The following ADGRL2 variants were observed in gnomAD, a reference collection of about 807,000 sequenced individuals.
The protein encoded by ADGRL2 is calcium-independent alpha-latrotoxin receptor 2.
A neutral mutation model predicts 157.4 loss-of-function variants in ADGRL2; 44 were observed. The observed-to-expected ratio is 0.28, with a 90% CI of 0.22 to 0.36. The LOEUF (loss-of-function observed/expected upper bound fraction) is 0.36, where lower values mean the gene tolerates loss of function less well. ADGRL2 is among the 10% of genes least tolerant of loss of function. The probability of loss-of-function intolerance (pLI) is 1.00; values close to 1 mark genes in which losing one functional copy is unlikely to be tolerated. For synonymous variants in ADGRL2, 585 were observed against 624.7 expected (o/e 0.94, Z 0.95); for missense variants, 1,510 against 1,768.9 (o/e 0.85, Z 2.63).
At chr1:81,550,197 A>G (rs2080112901) in intron 2 of ADGRL2, among the ~76,000 whole-genome samples, 1 of 152,192 alleles carries the variant, frequency 6.6e-6, no homozygotes, top group African/African-American at 2.4e-5. Flanking sequence ...TTTCTCAGGA[A>G]GGAATGAATA....
chr1:81,448,409 G>T (rs1328057264), intron 2 of ADGRL2, among the ~76,000 whole-genome samples: 1 of 151,944 alleles, frequency 6.6e-6, no homozygotes, highest in Admixed American at 6.6e-5. Context: ...GCCTCCCAAA[G>T]TGCTGTGATT....
chr1:81,692,565 G>A (rs1301521374), intron 3 of ADGRL2, among the ~76,000 whole-genome samples: 2 of 152,050 alleles, frequency 1.3e-5, no homozygotes, highest in Non-Finnish European at 2.9e-5. Flanking sequence ...GTAGGCTTGT[G>A]CAAAAAATGA....
chr1:81,361,203 C>T (rs1480730287), intron 1 of ADGRL2, among the ~76,000 whole-genome samples: 1 of 151,894 alleles, frequency 6.6e-6, no homozygotes, highest in Non-Finnish European at 1.5e-5. Context: ...ATGTATTATT[C>T]CCTCTGAGTG....
intron 1 of ADGRL2, among the ~76,000 whole-genome samples, chr1:81,323,383 G>T (rs536695589): frequency 6.7e-6 from 1 of 149,762 alleles, no homozygotes; most frequent in East Asian, 2.0e-4. Context: ...GAGACCATAG[G>T]TACGAGCCAT....
chr1:81,617,886 C>G (rs1004639542), intron 3 of ADGRL2, among the ~76,000 whole-genome samples: 2 of 152,168 alleles, frequency 1.3e-5, no homozygotes, highest in South Asian at 2.1e-4. Context: ...AAATTCCACC[C>G]ACTCTTATTT....
At chr1:81,630,503 A>T (rs1020416722) in intron 3 of ADGRL2, among the ~76,000 whole-genome samples, 2 of 152,214 alleles carry the variant, frequency 1.3e-5, no homozygotes, top group African/African-American at 4.8e-5. Flanking sequence ...GGTGAAATAC[A>T]TATGATAGAA....
intron 2 of ADGRL2, among the ~76,000 whole-genome samples, chr1:81,873,939 A>T (rs777234088): frequency 3.4e-4 from 52 of 152,110 alleles, no homozygotes; most frequent in Non-Finnish European, 6.9e-4. Context: ...CTCTAATTAT[A>T]TATGTAGGTA....
upstream of ADGRL2, among the ~76,000 whole-genome samples, chr1:81,800,015 G>A (rs545933338): frequency 1.3e-5 from 2 of 152,246 alleles, no homozygotes; most frequent in South Asian, 4.1e-4. Context: ...CGTAGGCTCT[G>A]CCTGGCTGTT....
intron 3 of ADGRL2, among the ~76,000 whole-genome samples, chr1:81,649,611 G>T (rs1333978500): frequency 6.6e-6 from 1 of 152,082 alleles, no homozygotes; most frequent in African/African-American, 2.4e-5. Context: ...TTTAAAAGAG[G>T]TCTACAAGAA....
In ADGRL2 at chr1:81,635,455, A is replaced by G. The variant is rs140145848; in HGVS notation, c.-143+54475A>G. 3.4e-4 allele frequency among the ~76,000 whole-genome samples: 52 copies of G among 152,300 alleles called. No homozygotes were observed. The East Asian group carries it at 0.01, about 29-fold the overall frequency. On this transcript the variant is annotated intron_variant, in intron 3 of 24. Coordinates refer to the ADGRL2 transcript ENST00000370721. ...GATGTCTTAGTCCCTTTGGGCTTCT[A>G]GAACAAAATGCCAGAAACTAGTAAG...
chr1:81,411,131 A>AT (rs1333769631), intron 1 of ADGRL2, among the ~76,000 whole-genome samples: 4 of 152,208 alleles, frequency 2.6e-5, no homozygotes, highest in Admixed American at 2.6e-4. Flanking sequence ...ATCCAAGGGC[A>AT]TTCTATGAAT....
At chr1:81,954,476 G>A (rs1445319316) in intron 10 of ADGRL2, among the ~76,000 whole-genome samples, 1 of 152,108 alleles carries the variant, frequency 6.6e-6, no homozygotes, top group Non-Finnish European at 1.5e-5. Flanking sequence ...CAAATCAGAA[G>A]CTGACTTACA....
chr1:81,499,993 A>G (rs2078811657), intron 2 of ADGRL2, among the ~76,000 whole-genome samples: 1 of 152,138 alleles, frequency 6.6e-6, no homozygotes. Context: ...AATGAATGAT[A>G]TATCCTTAGG....
intron 2 of ADGRL2, among the ~76,000 whole-genome samples, chr1:81,866,730 G>A (rs1418792600): frequency 1.3e-5 from 2 of 151,972 alleles, no homozygotes; most frequent in Non-Finnish European, 2.9e-5. Context: ...TTTGTATCTT[G>A]CAAAATGCAA....
intron 3 of ADGRL2, chr1:81,596,478 G>A (rs17106766): frequency 0.019 from 8,714 of 448,964 alleles, 622 homozygotes; most frequent in African/African-American, 0.16. Context: ...CGGCTCCAAG[G>A]GTGTTTTTCC....
intron 3 of ADGRL2, among the ~76,000 whole-genome samples, chr1:81,677,910 T>C (rs1001553212): frequency 1.1e-4 from 17 of 152,348 alleles, no homozygotes; most frequent in Non-Finnish European, 2.2e-4. Flanking sequence ...CATCATCTTC[T>C]ACCATTTCTC....
In ADGRL2 at chr1:81,750,079, CAT is replaced by C. The variant is rs761569290; in HGVS notation, c.-142-11731_-142-11730del. Reference sequence around the variant, plus strand: ...ATAAAAAGAAAAATTTTCAATTAAACATGTGATATGCAATAGCATTAGAATCT... The same window carrying C: ...ATAAAAAGAAAAATTTTCAATTAAACGTGATATGCAATAGCATTAGAATCT... On this transcript the variant is annotated intron_variant, in intron 1 of 20. Coordinates refer to the ADGRL2 transcript ENST00000359929. 3.9e-5 allele frequency among the ~76,000 whole-genome samples: 6 copies of C among 152,276 alleles called. No individual in the cohort carries two copies. The South Asian group carries it at 1.2e-3, about 32-fold the overall frequency.
chr1:81,411,601 T>G (rs1223942748), intron 1 of ADGRL2, among the ~76,000 whole-genome samples: 1 of 152,090 alleles, frequency 6.6e-6, no homozygotes, highest in Non-Finnish European at 1.5e-5. Context: ...GTTTTAAAGT[T>G]TTAAGAAAGG....
rs71592379 is a variant in ADGRL2 at position 81,322,109 on chromosome 1, T to TATAC, written c.-302+15601_-302+15602insTACA. Among the ~76,000 whole-genome samples the TATAC allele has an allele frequency of 7.2e-3, 929 of 129,784 alleles. 32 individuals are homozygous for TATAC. In the South Asian group the frequency reaches 0.084, roughly 12 times the overall value. 85.1% of individuals were successfully genotyped at this position (129,784 alleles called of 152,430 possible). ...ATTCATATATATATATATATATATA[T>TATAC]ACACATATATATATACACACACACA... is the stretch of plus-strand genomic sequence containing the variant. On this transcript the variant is annotated intron_variant, in intron 1 of 24. Coordinates refer to the ADGRL2 transcript ENST00000370721.
Sources: allele counts gnomAD v4.1 joint callset (sites outside exome capture counted in the v4.1 genomes callset), GRCh38; gene constraint gnomAD v4.1.1; transcripts MANE v1.5; gene names NCBI Gene and HGNC (gene_info 2026-07-23, HGNC 2026-07-21).